Variants in NPFFR2 observed in about 807,000 individuals in gnomAD.
The protein encoded by NPFFR2 is neuropeptide FF receptor 2.
A neutral mutation model predicts 13.1 loss-of-function variants in NPFFR2; 15 were observed. The observed-to-expected ratio is 1.15, with a 90% CI of 0.77 to 1.76. The LOEUF (loss-of-function observed/expected upper bound fraction) is 1.76. Among genes scored for constraint, NPFFR2 ranks in the 40% most tolerant of loss-of-function variants. The pLI, the probability that NPFFR2 is intolerant of heterozygous loss-of-function variation, is 0.00. For synonymous variants in NPFFR2, 190 were observed against 175.7 expected (o/e 1.08, Z -0.65); for missense variants, 572 against 503.5 (o/e 1.14, Z -1.30).
At chr4:72,093,623 G>A (rs987740371) in intron 1 of NPFFR2, among the ~76,000 whole-genome samples, 1 of 138,886 alleles carries the variant, frequency 7.2e-6, no homozygotes, top group African/African-American at 2.5e-5. Context: ...TGATTCTATT[G>A]CTGAGACTTT....
At chr4:72,035,059 A>C (rs927496217) in intron 1 of NPFFR2, among the ~76,000 whole-genome samples, 1 of 152,220 alleles carries the variant, frequency 6.6e-6, no homozygotes, top group African/African-American at 2.4e-5. Flanking sequence ...GATTTCTAAA[A>C]TTATTTTACC....
At chr4:72,124,343 ATGC>A (rs1257469332) in intron 1 of NPFFR2, among the ~76,000 whole-genome samples, 1 of 152,178 alleles carries the variant, frequency 6.6e-6, no homozygotes, top group Non-Finnish European at 1.5e-5. Context: ...TATAGAGTCA[ATGC>A]TATCCCCATC....
At chr4:72,120,479 G>C (rs185666181) in intron 1 of NPFFR2, among the ~76,000 whole-genome samples, 1 of 152,202 alleles carries the variant, frequency 6.6e-6, no homozygotes, top group Non-Finnish European at 1.5e-5. Flanking sequence ...TCCCAGCAAG[G>C]GTTGACAGAC....
chr4:72,040,632 T>G (rs1434536211), intron 1 of NPFFR2, among the ~76,000 whole-genome samples: 1 of 152,106 alleles, frequency 6.6e-6, no homozygotes, highest in African/African-American at 2.4e-5. Context: ...CCCTCTGAAC[T>G]TTTAAAAATC....
At position 72,137,945 on chromosome 4, in the gene NPFFR2, G is replaced by T. The variant is rs1578480895; in HGVS notation, c.329-95G>T. 4 of 867,240 alleles carry T rather than the reference G, an allele frequency of 4.6e-6. No individual in the cohort carries two copies. The East Asian group carries it at 1.0e-4, about 22-fold the overall frequency. 53.7% of individuals were successfully genotyped at this position (867,240 alleles called of 1,614,324 possible). ...TTCTCTGCCTATCATGTAGAAAACA[G>T]TTACATTAGTCTCGTTTCCACAACT... is the stretch of plus-strand genomic sequence containing the variant. On this transcript the variant is annotated intron_variant, in intron 2 of 3. Coordinates refer to ENST00000308744, the MANE Select transcript of NPFFR2 (RefSeq NM_004885.3).
intron 1 of NPFFR2, among the ~76,000 whole-genome samples, chr4:72,037,630 C>T (rs1016397226): frequency 6.6e-6 from 1 of 152,162 alleles, no homozygotes; most frequent in Non-Finnish European, 1.5e-5. Flanking sequence ...ATGATCTCCT[C>T]TTCTGTCTGG....
At chr4:72,068,864 T>TC in intron 1 of NPFFR2, 1 of 446,736 alleles carries the variant, frequency 2.2e-6, no homozygotes, top group African/African-American at 2.1e-5. Flanking sequence ...ATCTTATCTT[T>TC]TTTCCTGCAT....
intron 1 of NPFFR2, among the ~76,000 whole-genome samples, chr4:72,044,628 G>A (rs1187573010): frequency 6.6e-6 from 1 of 151,468 alleles, no homozygotes; most frequent in Non-Finnish European, 1.5e-5. Flanking sequence ...GTTTTGATTT[G>A]CATTTTCCTG....
intron 3 of NPFFR2, among the ~76,000 whole-genome samples, chr4:72,145,573 G>C (rs886233686): frequency 1.3e-5 from 2 of 152,092 alleles, no homozygotes; most frequent in Admixed American, 1.3e-4. Context: ...TTCACGGCAG[G>C]TGAATGGGAG....
At position 72,147,218 on chromosome 4, in the gene NPFFR2, GT is replaced by G. The variant is rs780785591; in HGVS notation, c.672del (p.Phe224LeufsTer54). 7.4e-6 allele frequency: 12 copies of G among 1,614,012 alleles called. No individual in the cohort carries two copies. The highest frequency in any genetic ancestry group is 2.7e-5 in the African/African-American group (2 of 74,906). On this transcript the variant is annotated frameshift_variant, in exon 4 of 4. Coordinates refer to ENST00000308744, the MANE Select transcript of NPFFR2 (RefSeq NM_004885.3). LOFTEE classifies it low-confidence loss of function (END_TRUNC). ...TGAGGAAGATCTACACCACTGTGCT[GT>G]TTGCCAACATCTACCTGGCTCCCCT... ...EMRKIYTTVL[F>X]ANIYLAPLSL... is the part of the protein sequence containing the mutation.
chr4:72,050,098 C>G (rs914840925), intron 1 of NPFFR2, among the ~76,000 whole-genome samples: 2 of 151,982 alleles, frequency 1.3e-5, no homozygotes, highest in Admixed American at 6.6e-5. Context: ...AATGATTTAA[C>G]AAATCATGCC....
At chr4:72,119,970 C>A (rs1307941972) in intron 1 of NPFFR2, among the ~76,000 whole-genome samples, 45 of 152,090 alleles carry the variant, frequency 3.0e-4, no homozygotes, top group Non-Finnish European at 1.0e-4. Context: ...AATCAGGGAG[C>A]CAAGTGGTCT....
At chr4:72,038,669 A>C (rs1467360152) in intron 1 of NPFFR2, among the ~76,000 whole-genome samples, 1 of 152,122 alleles carries the variant, frequency 6.6e-6, no homozygotes, top group Non-Finnish European at 1.5e-5. Flanking sequence ...GTATATGTTG[A>C]TTTCAAAGAA....
intron 1 of NPFFR2, among the ~76,000 whole-genome samples, chr4:72,123,918 A>G (rs767516659): frequency 1.3e-5 from 2 of 152,190 alleles, no homozygotes; most frequent in Non-Finnish European, 2.9e-5. Flanking sequence ...GGCCAAGGCA[A>G]TCAGGCAACA....
intron 1 of NPFFR2, among the ~76,000 whole-genome samples, chr4:72,049,284 G>A (rs1450549606): frequency 6.6e-6 from 1 of 152,072 alleles, no homozygotes; most frequent in Non-Finnish European, 1.5e-5. Flanking sequence ...TCAAGGCTGT[G>A]TTGTGTCTTT....
intron 1 of NPFFR2, among the ~76,000 whole-genome samples, chr4:72,061,769 A>G (rs752812176): frequency 6.6e-6 from 1 of 151,908 alleles, no homozygotes; most frequent in East Asian, 1.9e-4. Context: ...AACATCACAC[A>G]CTGGGGCCTG....
chr4:72,074,748 A>G (rs1373726894), intron 1 of NPFFR2, among the ~76,000 whole-genome samples: 1 of 152,174 alleles, frequency 6.6e-6, no homozygotes, highest in East Asian at 1.9e-4. Flanking sequence ...ATAGATGGAA[A>G]AAAACATGAT....
intron 1 of NPFFR2, among the ~76,000 whole-genome samples, chr4:72,123,652 A>G (rs1467636208): frequency 6.6e-6 from 1 of 152,226 alleles, no homozygotes; most frequent in East Asian, 1.9e-4. Context: ...AACAGAACCA[A>G]TCACAAAAAC....
chr4:72,045,452 C>T (rs1231197438), intron 1 of NPFFR2, among the ~76,000 whole-genome samples: 1 of 152,028 alleles, frequency 6.6e-6, no homozygotes, highest in Non-Finnish European at 1.5e-5. Flanking sequence ...ATTTTTTAAT[C>T]AAATAGTGTG....
Sources: allele counts gnomAD v4.1 joint callset (sites outside exome capture counted in the v4.1 genomes callset), GRCh38; gene constraint gnomAD v4.1.1; transcripts MANE v1.5; gene names NCBI Gene and HGNC (gene_info 2026-07-23, HGNC 2026-07-21).